ALMS1: variants seen among roughly 807,000 people sequenced by gnomAD.
ALMS1 encodes the protein centrosome-associated protein ALMS1.
In ALMS1, 271 loss-of-function variants were observed where a neutral mutation model predicts 352.2. The ratio of observed to expected loss-of-function variants is 0.77; its 90% CI spans 0.70 to 0.85. The LOEUF (loss-of-function observed/expected upper bound fraction) is 0.85, where lower values mean the gene tolerates loss of function less well. Among genes scored for constraint, ALMS1 ranks in the 40% least tolerant of loss-of-function variants. The probability of loss-of-function intolerance (pLI) is 0.00; values close to 1 mark genes in which losing one functional copy is unlikely to be tolerated. For synonymous variants in ALMS1, 1,865 were observed against 1,761.2 expected (o/e 1.06, Z -1.48); for missense variants, 5,445 against 4,870.7 (o/e 1.12, Z -3.51).
At chr2:73,574,342 A>G (rs1411681105) in intron 16 of ALMS1, among the ~76,000 whole-genome samples, 1 of 152,172 alleles carries the variant, frequency 6.6e-6, no homozygotes, top group Non-Finnish European at 1.5e-5. Flanking sequence ...CTCTCCAAAG[A>G]AGGATGCTTG....
intron 11 of ALMS1, among the ~76,000 whole-genome samples, chr2:73,524,911 G>T (rs188645733): frequency 6.6e-6 from 1 of 152,096 alleles, no homozygotes; most frequent in African/African-American, 2.4e-5. Flanking sequence ...GTCTCTGGTA[G>T]CCATCTTTCT....
At position 73,448,918 on chromosome 2, in the gene ALMS1, T is replaced by C. The variant is rs780110580; in HGVS notation, c.2391T>C (p.Ala797=). 8 of 1,614,152 alleles carry C rather than the reference T, an allele frequency of 5.0e-6. No individual in the cohort carries two copies. The highest frequency in any genetic ancestry group is 5.9e-6 in the Non-Finnish European group (7 of 1,179,982). ...GLKVSAVAGP[A]DQKTGLPTVP... is the part of the protein sequence containing the mutation. Reference sequence around the variant, plus strand: ...AAGTTTCAGCTGTTGCTGGACCAGCTGACCAGAAGACTGGCCTACCAACAG... The same window carrying C: ...AAGTTTCAGCTGTTGCTGGACCAGCCGACCAGAAGACTGGCCTACCAACAG... Residue 797 remains alanine, a synonymous_variant, in exon 8 of 23, where the codon GCT becomes GCC. Transcript: ENST00000613296.
intron 13 of ALMS1, 78 bp downstream of exon 13, chr2:73,550,515 T>C: frequency 6.4e-7 from 1 of 1,561,872 alleles, no homozygotes; most frequent in Non-Finnish European, 8.8e-7. Context: ...CCAATCTTTA[T>C]CCTTTTTTTC....
chr2:73,539,207 G>A (rs563294095), intron 12 of ALMS1, among the ~76,000 whole-genome samples: 8 of 152,206 alleles, frequency 5.3e-5, no homozygotes, highest in Admixed American at 2.6e-4. Context: ...ACGATCAGGC[G>A]GCAACATTTG....
At chr2:73,466,618 G>T (rs1267335195) in intron 9 of ALMS1, among the ~76,000 whole-genome samples, 1 of 151,904 alleles carries the variant, frequency 6.6e-6, no homozygotes, top group Non-Finnish European at 1.5e-5. Context: ...TTGTGCACAT[G>T]TACCCTAAAA....
At position 73,609,477 on chromosome 2, in the gene ALMS1, C is replaced by A. The variant is rs1252154943; in HGVS notation, c.12463-91C>A. ...AGATTTGAATAGGACCACACTGATT[C>A]TCCTTGGTGACATGGATGCAGGGAG... On this transcript the variant is annotated intron_variant, in intron 22 of 22. Transcript: ENST00000613296. 3.3e-6 allele frequency: 4 copies of A among 1,200,290 alleles called. No homozygotes were observed. The African/African-American group carries it at 4.5e-5, about 13-fold the overall frequency. The allele number at this position is 1,200,290 out of a possible 1,614,324, so 74.4% of individuals were successfully genotyped here.
chr2:73,451,155 T>C lies in ALMS1; in HGVS notation c.4628T>C (p.Ile1543Thr). Reference sequence around the variant, plus strand: ...CAACTGGCATTGCTAGGTAGTCAAATACCTGAAGAGGCTCTCAGAGTTTCT... The same window carrying C: ...CAACTGGCATTGCTAGGTAGTCAAACACCTGAAGAGGCTCTCAGAGTTTCT... Reference protein sequence around the residue: ...FYQLALLGSQIPEEALRVSSA... With the variant: ...FYQLALLGSQTPEEALRVSSA... Residue 1543 changes from isoleucine (I) to threonine (T), a missense_variant, in exon 8 of 23, where the codon ATA (isoleucine) becomes ACA (threonine). By Grantham distance (89) the Ile-to-Thr change is moderately conservative (BLOSUM62 -1). Transcript: ENST00000613296. 6.2e-7 allele frequency: 1 copy of C among 1,613,886 alleles called. No individual in the cohort carries two copies. The highest frequency in any genetic ancestry group is 8.5e-7 in the Non-Finnish European group (1 of 1,179,934).
At chr2:73,511,324 C>T (rs1356182701) in intron 10 of ALMS1, among the ~76,000 whole-genome samples, 2 of 152,014 alleles carry the variant, frequency 1.3e-5, no homozygotes, top group Non-Finnish European at 2.9e-5. Flanking sequence ...GTATAGGCAC[C>T]CAAGGGAATC....
In ALMS1 at chr2:73,463,308, C is replaced by T. The variant is rs138158909; in HGVS notation, c.7674+8013C>T. Among the ~76,000 whole-genome samples, 228 of 152,236 alleles carry T rather than the reference C, an allele frequency of 1.5e-3. 2 individuals carry two copies. Among genetic ancestry groups the T allele is most frequent in the African/African-American group, 4.5e-3 (188 of 41,536 alleles). On this transcript the variant is annotated intron_variant, in intron 9 of 22. Coordinates refer to ENST00000613296, the MANE Select transcript of ALMS1 (RefSeq NM_001378454.1). ...CAGGATTCAGAATCTCACTCAAAAC[C>T]GCTCAACTACCTGGAAACTGAATAA...
At chr2:73,473,706 CAA>C (rs1672515231) in intron 9 of ALMS1, among the ~76,000 whole-genome samples, 1 of 151,890 alleles carries the variant, frequency 6.6e-6, no homozygotes, top group Non-Finnish European at 1.5e-5. Flanking sequence ...AAAAAGGAAA[CAA>C]ATAGAAATTC....
intron 16 of ALMS1, among the ~76,000 whole-genome samples, chr2:73,592,919 A>T (rs1236877785): frequency 6.6e-6 from 1 of 152,200 alleles, no homozygotes; most frequent in East Asian, 1.9e-4. Context: ...GTTTGCTCTC[A>T]TAGTGGAAAT....
At chr2:73,549,751 C>T (rs1408419913) in intron 12 of ALMS1, among the ~76,000 whole-genome samples, 1 of 152,106 alleles carries the variant, frequency 6.6e-6, no homozygotes, top group East Asian at 1.9e-4. Context: ...GCATCTCTGC[C>T]TTGTATTATT....
intron 9 of ALMS1, among the ~76,000 whole-genome samples, chr2:73,482,156 G>C (rs370002630): frequency 1.3e-5 from 2 of 152,050 alleles, no homozygotes; most frequent in African/African-American, 4.8e-5. Context: ...GTCTTGTGCC[G>C]GTTTTCAAAG....
At chr2:73,469,639 C>T (rs1301063284) in intron 9 of ALMS1, 2 of 151,748 alleles carry the variant, frequency 1.3e-5, no homozygotes. Context: ...CCTGACCTAG[C>T]TCAATATTAG....
At chr2:73,432,077 T>G in intron 6 of ALMS1, 121 bp from the exon 7 acceptor site, 1 of 727,630 alleles carries the variant, frequency 1.4e-6, no homozygotes, top group Non-Finnish European at 2.4e-6. Context: ...AAGGATTATT[T>G]TTAGCAGATG....
At chr2:73,578,824 A>G (rs2104122977) in intron 16 of ALMS1, among the ~76,000 whole-genome samples, 1 of 152,300 alleles carries the variant, frequency 6.6e-6, no homozygotes, top group South Asian at 2.1e-4. Flanking sequence ...GGGAAGAGTT[A>G]CAAACCAGAA....
chr2:73,533,091 A>G (rs1348126494), intron 11 of ALMS1, among the ~76,000 whole-genome samples: 1 of 152,196 alleles, frequency 6.6e-6, no homozygotes, highest in Non-Finnish European at 1.5e-5. Flanking sequence ...CTGAGCTAGT[A>G]TCCAGGTTGC....
intron 10 of ALMS1, among the ~76,000 whole-genome samples, chr2:73,491,893 C>G (rs1672996930): frequency 1.3e-5 from 2 of 152,198 alleles, no homozygotes; most frequent in East Asian, 1.9e-4. Flanking sequence ...CTCTCTCTCT[C>G]TCTTCTCCAG....
chr2:73,514,589 T>C (rs774338422), intron 10 of ALMS1, among the ~76,000 whole-genome samples: 2 of 152,138 alleles, frequency 1.3e-5, no homozygotes, highest in African/African-American at 2.4e-5. Context: ...CAACGTAAAA[T>C]ATGTATATAT....
Sources: gnomAD v4.1 joint callset for allele counts (sites outside exome capture counted in the v4.1 genomes callset) on GRCh38, gnomAD v4.1.1 for gene constraint, MANE v1.5 for transcripts, NCBI Gene and HGNC (gene_info 2026-07-23, HGNC 2026-07-21) for gene names.